Variants in INSYN2B observed in about 807,000 individuals in gnomAD.
INSYN2B encodes the protein inhibitory synaptic factor family member 2B.
In INSYN2B, 16 loss-of-function variants were observed where a neutral mutation model predicts 41.2. The observed-to-expected ratio is 0.39, with a 90% CI of 0.26 to 0.59. The LOEUF (loss-of-function observed/expected upper bound fraction) is 0.59, where lower values mean the gene tolerates loss of function less well. Among genes scored for constraint, INSYN2B ranks in the 20% least tolerant of loss-of-function variants. INSYN2B has a pLI of 0.57. For synonymous variants in INSYN2B, 245 were observed against 244.4 expected, an observed-to-expected ratio of 1.00 and a Z score of -0.02; for missense variants, 608 against 646.4, an observed-to-expected ratio of 0.94 and a Z score of 0.64.
intron 1 of INSYN2B, among the ~76,000 whole-genome samples, chr5:169,937,965 C>G (rs993885940): frequency 6.6e-6 from 1 of 152,218 alleles, no homozygotes; most frequent in African/African-American, 2.4e-5. Flanking sequence ...AGGTGGACAT[C>G]ACCCCCAGGT....
At chr5:169,931,810 A>T (rs1222852764) in intron 1 of INSYN2B, among the ~76,000 whole-genome samples, 1 of 152,222 alleles carries the variant, frequency 6.6e-6, no homozygotes, top group East Asian at 1.9e-4. Flanking sequence ...CTAGCCCCAG[A>T]AATAACAGGA....
intron 1 of INSYN2B, among the ~76,000 whole-genome samples, chr5:169,975,882 A>G (rs1280820004): frequency 6.6e-6 from 1 of 152,210 alleles, no homozygotes. Context: ...TGCCTGGCAC[A>G]TAGTAGGTGC....
At chr5:169,900,345 A>C (rs548884800) in intron 1 of INSYN2B, among the ~76,000 whole-genome samples, 1 of 152,328 alleles carries the variant, frequency 6.6e-6, no homozygotes, top group Non-Finnish European at 1.5e-5. Flanking sequence ...TCATTGAAAG[A>C]AGGAAGAAGC....
At position 169,883,407 on chromosome 5, in the gene INSYN2B, G is replaced by A; in HGVS notation, c.492C>T (p.Val164=). The A allele has an allele frequency of 6.4e-7, 1 of 1,551,680 alleles. No individual in the cohort carries two copies. The highest frequency in any genetic ancestry group is 8.7e-7 in the Non-Finnish European group (1 of 1,146,966). The change falls in exon 2 of 4, where the codon GTC becomes GTT. Residue 164 remains valine (V), a synonymous_variant. Transcript: ENST00000377365. ...TTGGGAGGAATGCATGGGACACCTT[G>A]ACCCTTCGAGGCCCATCCTCAAGAT... ...AQHLEDGPRR[V]KVSHAFLPRV... is the part of the protein sequence containing the mutation.
intron 1 of INSYN2B, among the ~76,000 whole-genome samples, chr5:169,914,399 C>T (rs1227553635): frequency 6.6e-6 from 1 of 152,204 alleles, no homozygotes; most frequent in Non-Finnish European, 1.5e-5. Context: ...TACTCTGAGC[C>T]AGGAACTGCT....
At chr5:169,964,002 C>T (rs1777196511) in intron 1 of INSYN2B, among the ~76,000 whole-genome samples, 1 of 152,004 alleles carries the variant, frequency 6.6e-6, no homozygotes, top group Non-Finnish European at 1.5e-5. Context: ...AAAAGTCCTA[C>T]CCTCATGGAA....
intron 1 of INSYN2B, among the ~76,000 whole-genome samples, chr5:169,977,921 C>A (rs1052419900): frequency 3.9e-5 from 6 of 152,112 alleles, no homozygotes; most frequent in African/African-American, 1.4e-4. Context: ...AGAATAAAAT[C>A]TGTTACATAA....
intron 1 of INSYN2B, among the ~76,000 whole-genome samples, chr5:169,966,410 G>A (rs1224402387): frequency 6.6e-6 from 1 of 152,164 alleles, no homozygotes; most frequent in Non-Finnish European, 1.5e-5. Flanking sequence ...GTGCTGGTAT[G>A]CTTAAGTGTA....
intron 1 of INSYN2B, among the ~76,000 whole-genome samples, chr5:169,887,843 C>G (rs899815584): frequency 3.3e-5 from 5 of 152,190 alleles, no homozygotes; most frequent in African/African-American, 1.2e-4. Context: ...ACGTGCAACT[C>G]TGCCATTACT....
At chr5:169,872,267 A>G (rs1303642435) in intron 3 of INSYN2B, among the ~76,000 whole-genome samples, 1 of 152,238 alleles carries the variant, frequency 6.6e-6, no homozygotes, top group Non-Finnish European at 1.5e-5. Flanking sequence ...CAATGGATGC[A>G]GCGAGAGTAG....
chr5:169,919,397 T>G (rs1418396178), intron 1 of INSYN2B, among the ~76,000 whole-genome samples: 1 of 152,188 alleles, frequency 6.6e-6, no homozygotes, highest in Non-Finnish European at 1.5e-5. Context: ...GGACACAAAC[T>G]AATTCACACT....
At position 169,975,837 on chromosome 5, in the gene INSYN2B, G is replaced by C. The variant is rs376059920; in HGVS notation, c.-919+4440C>G. 1.4e-4 allele frequency among the ~76,000 whole-genome samples: 22 copies of C among 152,292 alleles called. No individual in the cohort carries two copies. The South Asian group carries it at 4.4e-3, about 30-fold the overall frequency. On this transcript the variant is annotated intron_variant, in intron 1 of 3. Transcript: ENST00000377365. ...TGAGCTTCTTAAGAACAAAGCCTTT[G>C]GTAACCTCAGCTGTATCCCCAGCAT...
intron 1 of INSYN2B, among the ~76,000 whole-genome samples, chr5:169,895,656 A>G (rs1294628620): frequency 6.6e-6 from 1 of 152,040 alleles, no homozygotes; most frequent in Non-Finnish European, 1.5e-5. Context: ...ACAGCCCCCG[A>G]GAGCAGGGTG....
chr5:169,963,779 T>A (rs1777187255), intron 1 of INSYN2B, among the ~76,000 whole-genome samples: 1 of 152,140 alleles, frequency 6.6e-6, no homozygotes, highest in South Asian at 2.1e-4. Context: ...TCACTACAGA[T>A]GCTCTCTAAG....
At chr5:169,889,507 G>A (rs1333389619) in intron 1 of INSYN2B, among the ~76,000 whole-genome samples, 1 of 152,198 alleles carries the variant, frequency 6.6e-6, no homozygotes, top group Non-Finnish European at 1.5e-5. Flanking sequence ...CGTTGTACAG[G>A]GTAGGGGAAG....
At chr5:169,868,492 C>T (rs531592262) in intron 3 of INSYN2B, among the ~76,000 whole-genome samples, 2 of 152,356 alleles carry the variant, frequency 1.3e-5, no homozygotes, top group Non-Finnish European at 2.9e-5. Context: ...GGCGCAGTGG[C>T]TCATGCCTGT....
intron 1 of INSYN2B, among the ~76,000 whole-genome samples, chr5:169,976,327 G>C (rs1402819725): frequency 1.3e-5 from 2 of 152,274 alleles, no homozygotes; most frequent in Non-Finnish European, 2.9e-5. Context: ...CTAAAAGTCT[G>C]CATAAGCAAG....
chr5:169,938,421 A>G (rs1268009904), intron 1 of INSYN2B, among the ~76,000 whole-genome samples: 1 of 152,208 alleles, frequency 6.6e-6, no homozygotes, highest in Non-Finnish European at 1.5e-5. Flanking sequence ...TATAAGGTAG[A>G]GCCTATTGCT....
At chr5:169,954,242 G>T (rs181731122) in intron 1 of INSYN2B, among the ~76,000 whole-genome samples, 1 of 152,312 alleles carries the variant, frequency 6.6e-6, no homozygotes, top group African/African-American at 2.4e-5. Context: ...CTTAGCAATC[G>T]CTGGACATTT....
Sources: allele counts gnomAD v4.1 joint callset (sites outside exome capture counted in the v4.1 genomes callset), GRCh38; gene constraint gnomAD v4.1.1; transcripts MANE v1.5; gene names NCBI Gene and HGNC (gene_info 2026-07-23, HGNC 2026-07-21).